Variants in HPSE2 observed in about 807,000 individuals in gnomAD.
HPSE2 encodes the protein inactive heparanase-2.
A neutral mutation model predicts 60.5 loss-of-function variants in HPSE2; 38 were observed. The ratio of observed to expected loss-of-function variants is 0.63; its 90% CI spans 0.48 to 0.82. The LOEUF is 0.82. HPSE2 is among the 40% of genes least tolerant of loss of function. HPSE2 has a pLI of 0.00. For synonymous variants in HPSE2, 295 were observed against 293.2 expected (o/e 1.01, Z -0.06); for missense variants, 713 against 740.4 (o/e 0.96, Z 0.43).
At chr10:98,911,453 T>C (rs1191331598) in intron 3 of HPSE2, among the ~76,000 whole-genome samples, 1 of 151,952 alleles carries the variant, frequency 6.6e-6, no homozygotes, top group Admixed American at 6.6e-5. Context: ...TGGAGCTGGG[T>C]GTAGGAAAAT....
At chr10:98,936,957 C>A (rs1462771783) in intron 3 of HPSE2, among the ~76,000 whole-genome samples, 2 of 96,554 alleles carry the variant, frequency 2.1e-5, no homozygotes, top group East Asian at 6.2e-4. Context: ...CCAAACTGGG[C>A]GACAGTAGGA....
At chr10:98,605,938 C>T (rs1945570258) in intron 9 of HPSE2, among the ~76,000 whole-genome samples, 1 of 152,234 alleles carries the variant, frequency 6.6e-6, no homozygotes, top group African/African-American at 2.4e-5. Flanking sequence ...CTAATGGCTG[C>T]CTCTTCAGTG....
At chr10:99,082,159 G>C (rs1048189850) in intron 3 of HPSE2, among the ~76,000 whole-genome samples, 6 of 152,162 alleles carry the variant, frequency 3.9e-5, no homozygotes, top group African/African-American at 1.2e-4. Flanking sequence ...GGCAAAGAAA[G>C]GGTAGGGGCC....
intron 7 of HPSE2, among the ~76,000 whole-genome samples, chr10:98,638,604 C>A (rs1427002870): frequency 2.0e-5 from 3 of 152,190 alleles, no homozygotes; most frequent in Non-Finnish European, 1.5e-5. Flanking sequence ...ACTTCAGGAA[C>A]AGTCAAAGCA....
At chr10:98,600,284 C>T (rs1945361216) in intron 9 of HPSE2, among the ~76,000 whole-genome samples, 1 of 152,112 alleles carries the variant, frequency 6.6e-6, no homozygotes, top group Non-Finnish European at 1.5e-5. Flanking sequence ...ATACAGATAA[C>T]ATGTTAATGA....
chr10:99,014,381 G>A (rs1471963984), intron 3 of HPSE2, among the ~76,000 whole-genome samples: 1 of 152,136 alleles, frequency 6.6e-6, no homozygotes, highest in African/African-American at 2.4e-5. Flanking sequence ...TTGATTCCAT[G>A]TCTTTGCTAT....
intron 9 of HPSE2, among the ~76,000 whole-genome samples, chr10:98,601,805 G>T (rs12356529): frequency 0.41 from 62,807 of 151,770 alleles, 15,606 homozygotes; most frequent in Admixed American, 0.53. Flanking sequence ...TGTTCCTGTG[G>T]GACTCGGTGG....
chr10:98,990,255 A>G (rs1376770456), intron 3 of HPSE2, among the ~76,000 whole-genome samples: 1 of 152,204 alleles, frequency 6.6e-6, no homozygotes, highest in Non-Finnish European at 1.5e-5. Flanking sequence ...CTTCTCTGCT[A>G]ATGTTAATCT....
At chr10:98,528,733 G>C (rs78994414) in intron 9 of HPSE2, among the ~76,000 whole-genome samples, 4,852 of 152,320 alleles carry the variant, frequency 0.032, 148 homozygotes, top group African/African-American at 0.083. Context: ...GCCTTTCCGA[G>C]GGAAGTGCTG....
intron 2 of HPSE2, among the ~76,000 whole-genome samples, chr10:99,220,004 T>A (rs747442582): frequency 6.6e-6 from 1 of 152,222 alleles, no homozygotes; most frequent in Non-Finnish European, 1.5e-5. Context: ...CACAGTGATA[T>A]ACTATTTGAG....
intron 3 of HPSE2, among the ~76,000 whole-genome samples, chr10:98,971,462 A>T (rs866627954): frequency 2.2e-4 from 33 of 152,280 alleles, no homozygotes; most frequent in African/African-American, 7.7e-4. Flanking sequence ...AAGCCAGACA[A>T]CCACTTAAAT....
chr10:98,696,900 G>C (rs1948236859), intron 5 of HPSE2, among the ~76,000 whole-genome samples: 1 of 152,168 alleles, frequency 6.6e-6, no homozygotes, highest in Non-Finnish European at 1.5e-5. Context: ...CAGCCCTATA[G>C]AACAGGGACC....
intron 11 of HPSE2, among the ~76,000 whole-genome samples, chr10:98,479,071 T>C (rs952163001): frequency 1.3e-5 from 2 of 152,332 alleles, no homozygotes; most frequent in Middle Eastern, 6.8e-3. Context: ...AGAGTTGCCC[T>C]TTCAGAGATT....
intron 3 of HPSE2, among the ~76,000 whole-genome samples, chr10:99,056,728 GACA>G (rs751725403): frequency 6.6e-6 from 1 of 152,060 alleles, no homozygotes; most frequent in Non-Finnish European, 1.5e-5. Context: ...CTTGGGAGTA[GACA>G]ACAATTTCTT....
chr10:98,556,810 C>T (rs1343887236), intron 9 of HPSE2, among the ~76,000 whole-genome samples: 1 of 152,126 alleles, frequency 6.6e-6, no homozygotes, highest in African/African-American at 2.4e-5. Flanking sequence ...TGAGCTGAGT[C>T]TAAAATTTAT....
At chr10:98,755,002 CA>C (rs79478515) in intron 3 of HPSE2, among the ~76,000 whole-genome samples, 74,844 of 151,484 alleles carry the variant, frequency 0.49, 20,843 homozygotes, top group South Asian at 0.74. Context: ...AACAAGATGA[CA>C]GGATCAAATC....
chr10:98,609,421 C>CT (rs1431160838), intron 9 of HPSE2, among the ~76,000 whole-genome samples: 4 of 152,028 alleles, frequency 2.6e-5, no homozygotes, highest in African/African-American at 9.7e-5. Flanking sequence ...TTGAAATACT[C>CT]TTTTTTCTTT....
intron 11 of HPSE2, among the ~76,000 whole-genome samples, chr10:98,460,695 G>A (rs943372467): frequency 1.3e-5 from 2 of 152,190 alleles, no homozygotes; most frequent in African/African-American, 4.8e-5. Context: ...GATAAAGTAG[G>A]CATTTGTGAT....
At chr10:99,284,297 T>C in the HPSE2 span, among the ~76,000 whole-genome samples, 1 of 152,146 alleles carries the variant, frequency 6.6e-6, no homozygotes, top group Admixed American at 6.5e-5. Context: ...ATGACCTCAG[T>C]TGATAGAGTA....
Sources: gnomAD v4.1 joint callset for allele counts (sites outside exome capture counted in the v4.1 genomes callset) on GRCh38, gnomAD v4.1.1 for gene constraint, MANE v1.5 for transcripts, NCBI Gene and HGNC (gene_info 2026-07-23, HGNC 2026-07-21) for gene names.